Variants in PIGN observed in about 807,000 individuals in gnomAD.
PIGN encodes GPI ethanolamine phosphate transferase 1.
A neutral mutation model predicts 125.4 loss-of-function variants in PIGN; 117 were observed. That is an observed-to-expected ratio of 0.93 (90% CI 0.80 to 1.09). The LOEUF (loss-of-function observed/expected upper bound fraction) is 1.09. PIGN is among the 50% of genes least tolerant of loss of function. The probability of loss-of-function intolerance (pLI) is 0.00; values close to 1 mark genes in which losing one functional copy is unlikely to be tolerated. For synonymous variants in PIGN, 392 were observed against 377.8 expected (o/e 1.04, Z -0.44); for missense variants, 1,075 against 1,094.9 (o/e 0.98, Z 0.26).
downstream of PIGN, among the ~76,000 whole-genome samples, chr18:62,040,550 T>A (rs952668404): frequency 6.6e-6 from 1 of 152,228 alleles, no homozygotes; most frequent in Non-Finnish European, 1.5e-5. Context: ...GGGTACATAC[T>A]GTCAGCTTAT....
chr18:62,134,367 A>C (rs1158446090), intron 14 of PIGN, among the ~76,000 whole-genome samples: 1 of 152,130 alleles, frequency 6.6e-6, no homozygotes, highest in African/African-American at 2.4e-5. Context: ...CTCCAGCCTG[A>C]GCAACAGAAC....
chr18:62,186,577 C>T (rs939133268), intron 1 of PIGN, among the ~76,000 whole-genome samples: 7 of 152,202 alleles, frequency 4.6e-5, no homozygotes, highest in African/African-American at 1.7e-4. Context: ...CCCCCGTCCC[C>T]ACCCACAGGC....
intron 14 of PIGN, among the ~76,000 whole-genome samples, chr18:62,133,288 G>A (rs983538027): frequency 6.6e-6 from 1 of 152,158 alleles, no homozygotes; most frequent in African/African-American, 2.4e-5. Flanking sequence ...CAAGGTGCAC[G>A]TTGTAGACAA....
intron 4 of PIGN, among the ~76,000 whole-genome samples, chr18:62,159,857 G>A (rs2036878941): frequency 6.6e-6 from 1 of 152,186 alleles, no homozygotes; most frequent in Non-Finnish European, 1.5e-5. Context: ...GCTCACGCCT[G>A]TAATCCCAGC....
chr18:62,085,073 C>A (rs1358155891), intron 26 of PIGN, 136 bp downstream of exon 26: 19 of 600,604 alleles, frequency 3.2e-5, no homozygotes. Context: ...ACACCACTGC[C>A]CTCCAGTCTA....
rs757320729 is a variant in PIGN at position 62,138,308 on chromosome 18, A to G, written c.1117-10T>C. 65 of 1,531,438 alleles carry G rather than the reference A, an allele frequency of 4.2e-5. No homozygotes were observed. The allele number at this position is 1,531,438 out of a possible 1,614,324, so 94.9% of individuals were successfully genotyped here. A position where few individuals can be genotyped will look rare whatever the true frequency, so the allele number is the denominator to read the frequency against. ...TCTGAGTCATTTTCACCTGGGAACCAAGTATGAAAATATTACAAATGAGAA... is the reference window on the plus strand; with the variant it reads ...TCTGAGTCATTTTCACCTGGGAACCGAGTATGAAAATATTACAAATGAGAA... On this transcript the variant is annotated splice_polypyrimidine_tract_variant and intron_variant, in intron 13 of 30. Coordinates refer to ENST00000640252, the MANE Select transcript of PIGN (RefSeq NM_176787.5).
chr18:62,127,172 T>C (rs1277709825), intron 14 of PIGN, among the ~76,000 whole-genome samples: 5 of 152,152 alleles, frequency 3.3e-5, no homozygotes, highest in African/African-American at 9.7e-5. Context: ...GAAAATGAGA[T>C]ACAGGTGCTC....
Position 62,031,444 on chromosome 18 carries a change from C to T in PIGN, c.2143-13703G>A, listed in dbSNP as rs185770468. Among the ~76,000 whole-genome samples, 32 of 152,198 alleles carry T rather than the reference C, an allele frequency of 2.1e-4. No individual in the cohort carries two copies. The East Asian group carries it at 5.8e-3, about 28-fold the overall frequency. On this transcript the variant is annotated intron_variant, in intron 23 of 24. Coordinates refer to the PIGN transcript ENST00000639600. ...TTTGTCTGAAACTATTTATGGGAAC[C>T]CTTGGAATAAAAAGTAGGGATGAAC...
At chr18:62,073,277 C>T (rs531074679) in intron 29 of PIGN, among the ~76,000 whole-genome samples, 7 of 150,380 alleles carry the variant, frequency 4.7e-5, no homozygotes, top group Admixed American at 2.0e-4. Flanking sequence ...GGGTTCATAC[C>T]CTGATTAGAA....
rs146768206 is a variant in PIGN, at chr18:62,101,377, CAG to C, written c.1969-196_1969-195del. Among the ~76,000 whole-genome samples the C allele has an allele frequency of 1.5e-4, 23 of 152,212 alleles. No homozygotes were observed. In the East Asian group the frequency reaches 4.4e-3, roughly 29 times the overall value. On this transcript the variant is annotated intron_variant, in intron 21 of 30. Coordinates refer to ENST00000640252, the MANE Select transcript of PIGN (RefSeq NM_176787.5). ...CCTAATGCAAAAATGAATTTTGTAA[CAG>C]AGTTACCTAATACTCAGGGGTATGT...
intron 22 of PIGN, among the ~76,000 whole-genome samples, chr18:62,098,355 T>C (rs1383714663): frequency 1.3e-5 from 2 of 152,210 alleles, no homozygotes; most frequent in Non-Finnish European, 1.5e-5. Flanking sequence ...ATATTTTAAC[T>C]GGAAGGAATA....
chr18:62,095,991 C>A (rs1304173763), intron 22 of PIGN, 41 bp from the exon 23 acceptor site: 2 of 1,364,062 alleles, frequency 1.5e-6, no homozygotes, highest in Non-Finnish European at 2.1e-6. Flanking sequence ...GTATAAGAGA[C>A]ACAAAAAAAA....
intron 15 of PIGN, among the ~76,000 whole-genome samples, chr18:62,114,220 G>C (rs2034996554): frequency 6.6e-6 from 1 of 152,080 alleles, no homozygotes; most frequent in East Asian, 1.9e-4. Context: ...AAACTAGCTG[G>C]GTGTTGTGGC....
At chr18:62,094,942 G>A (rs1393126079) in intron 23 of PIGN, among the ~76,000 whole-genome samples, 2 of 152,196 alleles carry the variant, frequency 1.3e-5, no homozygotes, top group African/African-American at 4.8e-5. Flanking sequence ...AGAGTCTACT[G>A]TGGGAAGACT....
intron 29 of PIGN, among the ~76,000 whole-genome samples, chr18:62,074,323 C>G (rs1014889554): frequency 3.3e-5 from 5 of 152,206 alleles, no homozygotes; most frequent in African/African-American, 1.2e-4. Context: ...TACCTACATA[C>G]ATCAGAACTC....
intron 1 of PIGN, among the ~76,000 whole-genome samples, chr18:62,164,303 T>G (rs1294906640): frequency 1.3e-5 from 2 of 152,222 alleles, no homozygotes; most frequent in Non-Finnish European, 2.9e-5. Context: ...TTTCATACTA[T>G]AATATATAAC....
At chr18:62,129,698 T>TC (rs79164698) in intron 14 of PIGN, among the ~76,000 whole-genome samples, 152,320 of 152,326 alleles carry the variant, frequency 1, 76,157 homozygotes, top group Middle Eastern at 1. Context: ...TTTTCCAACA[T>TC]CAGTATAGTG....
At position 62,066,303 on chromosome 18, in the gene PIGN, C is replaced by T. The variant is rs79293803; in HGVS notation, c.2672+6370G>A. Among the ~76,000 whole-genome samples, 322 of 152,280 alleles carry T rather than the reference C, an allele frequency of 2.1e-3. 3 individuals are homozygous for T. Among genetic ancestry groups the T allele is most frequent in the Middle Eastern group, 3.4e-3 (1 of 294 alleles). On this transcript the variant is annotated intron_variant, in intron 30 of 30. Coordinates refer to ENST00000640252, the MANE Select transcript of PIGN (RefSeq NM_176787.5). ...GTGCATCCTTTAAGATCAGCTCAACCACTGATCGACTCTGTGACATGAGCA... is the reference window on the plus strand; with the variant it reads ...GTGCATCCTTTAAGATCAGCTCAACTACTGATCGACTCTGTGACATGAGCA...
chr18:62,121,100 G>T (rs905483915), intron 14 of PIGN, among the ~76,000 whole-genome samples: 12 of 152,164 alleles, frequency 7.9e-5, no homozygotes, highest in Non-Finnish European at 2.9e-5. Flanking sequence ...TTAAGATAGG[G>T]TGAGGGCATT....
Sources: allele counts gnomAD v4.1 joint callset (sites outside exome capture counted in the v4.1 genomes callset), GRCh38; gene constraint gnomAD v4.1.1; transcripts MANE v1.5; gene names NCBI Gene and HGNC (gene_info 2026-07-23, HGNC 2026-07-21).